The following LCP2 variants were observed in gnomAD, a reference collection of about 807,000 sequenced individuals.
The protein encoded by LCP2 is lymphocyte cytosolic protein 2, also known as 76 kDa tyrosine phosphoprotein.
In LCP2, 29 loss-of-function variants were observed where a neutral mutation model predicts 74.5. The observed-to-expected ratio is 0.39, with a 90% confidence interval of 0.29 to 0.53. The LOEUF (loss-of-function observed/expected upper bound fraction) is 0.53. Among genes scored for constraint, LCP2 ranks in the 20% least tolerant of loss-of-function variants. The pLI is 0.72. For synonymous variants in LCP2, 228 were observed against 229.5 expected, an observed-to-expected ratio of 0.99 and a Z score of 0.06; for missense variants, 604 against 634.6, an observed-to-expected ratio of 0.95 and a Z score of 0.52.
At chr5:170,287,574 C>A in intron 3 of LCP2, 1 of 240,102 alleles carries the variant, frequency 4.2e-6, no homozygotes, top group Non-Finnish European at 8.3e-6. Flanking sequence ...TTGCTGTCAT[C>A]TGCTTTGGCT....
intron 6 of LCP2, 186 bp downstream of exon 6, chr5:170,274,115 T>A (rs188190318): frequency 1.6e-6 from 1 of 610,184 alleles, no homozygotes; most frequent in Non-Finnish European, 2.9e-6. Context: ...AGACAGAGAG[T>A]GCATGGCTCC....
chr5:170,253,975 C>G (rs1761503914), intron 17 of LCP2, among the ~76,000 whole-genome samples: 1 of 152,158 alleles, frequency 6.6e-6, no homozygotes, highest in Non-Finnish European at 1.5e-5. Context: ...TTTCTATGTG[C>G]CAGGCTGTGG....
chr5:170,262,035 T>C (rs745471323), intron 13 of LCP2, among the ~76,000 whole-genome samples: 12 of 152,196 alleles, frequency 7.9e-5, no homozygotes, highest in Non-Finnish European at 5.9e-5. Context: ...GCAAGGGTGA[T>C]AGTTATGACC....
intron 7 of LCP2, among the ~76,000 whole-genome samples, chr5:170,269,794 T>C (rs1350564285): frequency 6.6e-6 from 1 of 152,222 alleles, no homozygotes; most frequent in Non-Finnish European, 1.5e-5. Flanking sequence ...TCTTAATGAC[T>C]GGCACACACA....
At chr5:170,276,779 C>T (rs1013655999) in intron 3 of LCP2, among the ~76,000 whole-genome samples, 6 of 152,096 alleles carry the variant, frequency 3.9e-5, no homozygotes, top group African/African-American at 1.2e-4. Context: ...AGTGTTTCCT[C>T]GAGATTTGGG....
At chr5:170,288,102 A>G in intron 2 of LCP2, 86 bp from the exon 3 acceptor site, 1 of 1,372,024 alleles carries the variant, frequency 7.3e-7, no homozygotes, top group South Asian at 1.2e-5. Flanking sequence ...GTGAAACAAT[A>G]TAGGGAGTGG....
intron 16 of LCP2, among the ~76,000 whole-genome samples, chr5:170,257,222 G>A (rs1361776978): frequency 4.6e-5 from 7 of 152,196 alleles, no homozygotes; most frequent in Non-Finnish European, 8.8e-5. Context: ...GAAGGATGGG[G>A]TTGGGGCTAG....
chr5:170,266,690 C>T (rs1311725797), intron 10 of LCP2, 118 bp downstream of exon 10: 7 of 868,622 alleles, frequency 8.1e-6, no homozygotes, highest in Non-Finnish European at 1.3e-5. Context: ...TTCTACTAGT[C>T]TCCACTTCCT....
At chr5:170,257,915 A>G (rs1242565944) in intron 16 of LCP2, 122 bp downstream of exon 16, 6 of 1,102,564 alleles carry the variant, frequency 5.4e-6, no homozygotes, top group Non-Finnish European at 8.0e-6. Context: ...TTAAGACCCA[A>G]AATGTTCAGA....
chr5:170,261,678 G>T (rs1318741526), intron 13 of LCP2, among the ~76,000 whole-genome samples: 1 of 152,164 alleles, frequency 6.6e-6, no homozygotes, highest in East Asian at 1.9e-4. Context: ...TTCCAAAGGG[G>T]GCTTGGTACA....
rs1344089638 is a variant in LCP2, at chr5:170,256,011, G to A, written c.1150+515C>T. Reference sequence around the variant, plus strand: ...ACATGCTCCCCAACTCACAACCATGGACAGATTGATCATGGAAATCTAAAA... The same window carrying A: ...ACATGCTCCCCAACTCACAACCATGAACAGATTGATCATGGAAATCTAAAA... On this transcript the variant is annotated intron_variant, in intron 17 of 20. Coordinates refer to ENST00000046794, the MANE Select transcript of LCP2 (RefSeq NM_005565.5). This position sits in a 1 kb window ranked among gnomAD's most constrained non-coding sequence, Gnocchi z 4.5. 6.6e-6 allele frequency among the ~76,000 whole-genome samples: 1 copy of A among 152,164 alleles called. No homozygotes were observed. The highest frequency in any genetic ancestry group is 1.5e-5 in the Non-Finnish European group (1 of 68,032).
chr5:170,264,780 C>CA (rs1761716923), intron 10 of LCP2, among the ~76,000 whole-genome samples: 1 of 151,784 alleles, frequency 6.6e-6, no homozygotes, highest in Non-Finnish European at 1.5e-5. Context: ...GCCTAGGTGA[C>CA]AGAGTGAGAC....
At chr5:170,294,101 T>C (rs1321313155) in intron 1 of LCP2, among the ~76,000 whole-genome samples, 1 of 152,236 alleles carries the variant, frequency 6.6e-6, no homozygotes, top group African/African-American at 2.4e-5. Context: ...TTGCATGAGG[T>C]TCCATGGGTT....
At chr5:170,258,963 A>C in intron 14 of LCP2, 85 bp from the exon 15 acceptor site, 3 of 856,824 alleles carry the variant, frequency 3.5e-6, no homozygotes, top group Middle Eastern at 2.2e-4. Flanking sequence ...CAATCAAATA[A>C]ATCAAATAGG....
In LCP2 at chr5:170,248,659, G is replaced by A. The variant is rs766722322; in HGVS notation, c.*38C>T. ...GCTGATTGATCTCGTGTTGGCAACA[G>A]AGGCAGGAGGACGGTTCATTTGCTC... On this transcript the variant is annotated 3_prime_UTR_variant, in exon 21 of 21. Transcript: ENST00000046794. The A allele has an allele frequency of 5.6e-6, 9 of 1,606,894 alleles. No individual in the cohort carries two copies. The highest frequency in any genetic ancestry group is 1.1e-5 in the South Asian group (1 of 90,516).
At chr5:170,292,675 C>T (rs954407541) in intron 2 of LCP2, among the ~76,000 whole-genome samples, 1 of 152,146 alleles carries the variant, frequency 6.6e-6, no homozygotes. Flanking sequence ...CTTTCTTAAC[C>T]CATGGGCAAA....
intron 17 of LCP2, among the ~76,000 whole-genome samples, chr5:170,254,949 G>A (rs191239472): frequency 5.3e-5 from 8 of 152,278 alleles, no homozygotes; most frequent in Non-Finnish European, 1.2e-4. Context: ...GCAGTCTTAG[G>A]GGAAAAGAGA....
At chr5:170,272,435 G>C (rs944802871) in intron 6 of LCP2, among the ~76,000 whole-genome samples, 3 of 152,022 alleles carry the variant, frequency 2.0e-5, no homozygotes, top group African/African-American at 7.2e-5. Flanking sequence ...ATAAGCAAAA[G>C]TTAACTTGGG....
In LCP2 at chr5:170,261,484, CAT is replaced by C. The variant is rs973610672; in HGVS notation, c.927-349_927-348del. The stretch of plus-strand genomic sequence containing the variant: ...GTATATACACACACACACACACACA[CAT>C]GTGGTTTAGTCAGCAAACTAACTCT... On this transcript the variant is annotated intron_variant, in intron 13 of 20. Transcript: ENST00000046794. Among the ~76,000 whole-genome samples the C allele has an allele frequency of 2.6e-4, 39 of 151,478 alleles. No homozygotes were observed. The South Asian group carries it at 3.9e-3, about 15-fold the overall frequency.
Sources: gnomAD v4.1 joint callset for allele counts (sites outside exome capture counted in the v4.1 genomes callset) on GRCh38, gnomAD v4.1.1 for gene constraint, Gnocchi (gnomAD v3.1) non-coding constraint, MANE v1.5 for transcripts, NCBI Gene and HGNC (gene_info 2026-07-23, HGNC 2026-07-21) for gene names.